Variants in MAGI2 observed in about 807,000 individuals in gnomAD.
MAGI2 encodes membrane-associated guanylate kinase, WW and PDZ domain-containing protein 2.
Under a neutral mutation model 133.3 loss-of-function variants are expected in MAGI2, and 35 were observed. The ratio of observed to expected loss-of-function variants is 0.26; its 90% CI spans 0.20 to 0.35. The LOEUF is 0.35. MAGI2 is among the 10% of genes least tolerant of loss of function. MAGI2 has a pLI of 1.00. For missense variants in MAGI2, 1,636 were observed against 1,863.4 expected, an observed-to-expected ratio of 0.88 and a Z score of 2.25; for synonymous variants, 729 against 710.6, an observed-to-expected ratio of 1.03 and a Z score of -0.41.
chr7:78,573,050 T>TGC (rs1801696362), intron 3 of MAGI2, among the ~76,000 whole-genome samples: 1 of 94,462 alleles, frequency 1.1e-5, no homozygotes, highest in African/African-American at 4.2e-5. Flanking sequence ...TATATATATA[T>TGC]ATATATATAT....
chr7:78,938,119 G>A (rs370772945), intron 2 of MAGI2, among the ~76,000 whole-genome samples: 92 of 151,884 alleles, frequency 6.1e-4, no homozygotes, highest in East Asian at 5.8e-3. Flanking sequence ...AACAAAAGTC[G>A]GGGAAAAATT....
At chr7:79,165,735 A>G (rs944461917) in intron 1 of MAGI2, among the ~76,000 whole-genome samples, 1 of 152,080 alleles carries the variant, frequency 6.6e-6, no homozygotes, top group African/African-American at 2.4e-5. Flanking sequence ...CACAATACTA[A>G]ATTATAAACT....
Position 78,929,306 on chromosome 7 carries a change from A to T in MAGI2, c.418+77784T>A, listed in dbSNP as rs558402616. Among the ~76,000 whole-genome samples the T allele has an allele frequency of 2.4e-4, 36 of 152,194 alleles. No individual in the cohort carries two copies. The East Asian group carries it at 5.8e-3, about 25-fold the overall frequency. ...TTCTGGTGATAAGTGAATTACTTTA[A>T]CATCATAAATTTATTCTTCTTGCAG... On this transcript the variant is annotated intron_variant, in intron 2 of 21. Coordinates refer to ENST00000354212, the MANE Select transcript of MAGI2 (RefSeq NM_012301.4).
At chr7:78,115,267 G>A (rs779061189) in intron 20 of MAGI2, among the ~76,000 whole-genome samples, 17 of 151,872 alleles carry the variant, frequency 1.1e-4, no homozygotes, top group South Asian at 4.2e-4. Context: ...TGCATGAACC[G>A]GAACCCCAAA....
chr7:79,391,829 G>A (rs1485265675), intron 1 of MAGI2, among the ~76,000 whole-genome samples: 3 of 151,710 alleles, frequency 2.0e-5, no homozygotes, highest in African/African-American at 4.8e-5. Context: ...GACTACAGGC[G>A]CACGCCACCA....
intron 1 of MAGI2, among the ~76,000 whole-genome samples, chr7:79,029,668 T>G (rs369292967): frequency 1.5e-4 from 23 of 152,202 alleles, no homozygotes; most frequent in African/African-American, 5.3e-4. Flanking sequence ...TCAGTGTTAA[T>G]TAACTATAAT....
chr7:78,290,150 A>C (rs1415536766), intron 9 of MAGI2, among the ~76,000 whole-genome samples: 3 of 152,190 alleles, frequency 2.0e-5, no homozygotes, highest in African/African-American at 7.2e-5. Flanking sequence ...ATTAAAAGAC[A>C]GACTGGCAAA....
intron 20 of MAGI2, among the ~76,000 whole-genome samples, chr7:78,110,464 A>G (rs1388376552): frequency 2.0e-5 from 3 of 152,206 alleles, no homozygotes; most frequent in Non-Finnish European, 4.4e-5. Flanking sequence ...TCCAATAGGC[A>G]GTTGGAAATT....
chr7:78,661,399 G>A (rs1812941717), intron 2 of MAGI2, among the ~76,000 whole-genome samples: 1 of 152,164 alleles, frequency 6.6e-6, no homozygotes, highest in Non-Finnish European at 1.5e-5. Context: ...AAATGACCCA[G>A]ATACAAAACT....
At chr7:78,334,703 C>T (rs367756618) in intron 9 of MAGI2, among the ~76,000 whole-genome samples, 9 of 152,256 alleles carry the variant, frequency 5.9e-5, no homozygotes, top group African/African-American at 1.7e-4. Flanking sequence ...TACAGGCAGT[C>T]GTAGCCCAGG....
chr7:78,463,009 T>A (rs1160102734), intron 6 of MAGI2, among the ~76,000 whole-genome samples: 1 of 152,078 alleles, frequency 6.6e-6, no homozygotes, highest in African/African-American at 2.4e-5. Flanking sequence ...GTCAATGGAG[T>A]GTAGACTACT....
chr7:78,768,111 T>C (rs1445992474), intron 2 of MAGI2, among the ~76,000 whole-genome samples: 1 of 152,254 alleles, frequency 6.6e-6, no homozygotes, highest in Non-Finnish European at 1.5e-5. Context: ...GGTTTAAATA[T>C]GAGTGCCATC....
At chr7:78,840,443 TA>T (rs1160569149) in intron 2 of MAGI2, among the ~76,000 whole-genome samples, 2 of 151,962 alleles carry the variant, frequency 1.3e-5, no homozygotes, top group African/African-American at 2.4e-5. Flanking sequence ...TGTAACTTCA[TA>T]AAGTCTGTGG....
chr7:78,564,964 T>C (rs1800795483), intron 3 of MAGI2, among the ~76,000 whole-genome samples: 2 of 151,484 alleles, frequency 1.3e-5, no homozygotes, highest in Admixed American at 1.3e-4. Context: ...CAGCTAATTT[T>C]TTGTGTTTTT....
intron 1 of MAGI2, among the ~76,000 whole-genome samples, chr7:79,378,138 C>T (rs1282311388): frequency 6.6e-6 from 1 of 151,800 alleles, no homozygotes; most frequent in Non-Finnish European, 1.5e-5. Context: ...ATGGAAAACA[C>T]ACCTGATTTG....
At chr7:78,638,565 A>G (rs1809925543) in intron 2 of MAGI2, among the ~76,000 whole-genome samples, 1 of 152,154 alleles carries the variant, frequency 6.6e-6, no homozygotes, top group African/African-American at 2.4e-5. Flanking sequence ...CCCCAATAAA[A>G]TCAGATTCCT....
intron 2 of MAGI2, among the ~76,000 whole-genome samples, chr7:78,660,338 C>CA (rs1812811308): frequency 6.6e-6 from 1 of 151,978 alleles, no homozygotes; most frequent in Non-Finnish European, 1.5e-5. Context: ...TTTAATATGC[C>CA]AATGTTAACT....
intron 1 of MAGI2, among the ~76,000 whole-genome samples, chr7:79,017,008 G>T (rs183312048): frequency 2.0e-3 from 307 of 152,340 alleles, no homozygotes; most frequent in African/African-American, 6.2e-3. Flanking sequence ...GTGGTGCCCT[G>T]CCAACACTGC....
intron 2 of MAGI2, among the ~76,000 whole-genome samples, chr7:78,938,378 C>T (rs1449588811): frequency 4.0e-5 from 6 of 151,628 alleles, no homozygotes; most frequent in East Asian, 3.9e-4. Flanking sequence ...CACCATATTG[C>T]GTATAGTAAA....
Sources: gnomAD v4.1 joint callset for allele counts (sites outside exome capture counted in the v4.1 genomes callset) on GRCh38, gnomAD v4.1.1 for gene constraint, MANE v1.5 for transcripts, NCBI Gene and HGNC (gene_info 2026-07-23, HGNC 2026-07-21) for gene names.